Variants in PRKDC observed in about 807,000 individuals in gnomAD.
PRKDC encodes protein kinase, DNA-activated, catalytic subunit.
A neutral mutation model predicts 486.9 loss-of-function variants in PRKDC; 82 were observed. That is an observed-to-expected ratio of 0.17 (90% CI 0.14 to 0.20). PRKDC has a LOEUF of 0.20. Ranked by LOEUF, PRKDC falls within the 10% of genes least tolerant of loss-of-function variation. The pLI is 1.00. For missense variants in PRKDC, 4,504 were observed against 5,038.2 expected (o/e 0.89, Z 3.21); for synonymous variants, 1,895 against 1,837.0 (o/e 1.03, Z -0.81).
In PRKDC at chr8:47,820,899, C is replaced by A; in HGVS notation, c.9156G>T (p.Leu3052=). Residue 3052 remains leucine (L), a synonymous_variant, in exon 66 of 86, where the codon CTG becomes CTT. Coordinates refer to ENST00000314191, the MANE Select transcript of PRKDC (RefSeq NM_006904.7). ...PYMIRSKLKL[L]LQGEADQSLL... ...GGGACTGGTCAGCCTCTCCCTGGAGCAGCAGCTTCAGCTTGCTGCGGATCA... is the reference window on the plus strand; with the variant it reads ...GGGACTGGTCAGCCTCTCCCTGGAGAAGCAGCTTCAGCTTGCTGCGGATCA... The A allele has an allele frequency of 6.2e-7, 1 of 1,608,074 alleles. No homozygotes were observed. The highest frequency in any genetic ancestry group is 8.5e-7 in the Non-Finnish European group (1 of 1,176,182).
In PRKDC at chr8:47,893,129, G is replaced by T; in HGVS notation, c.3847+10C>A. The T allele has an allele frequency of 1.3e-6, 2 of 1,581,566 alleles. No individual in the cohort carries two copies. The highest frequency in any genetic ancestry group is 1.7e-6 in the Non-Finnish European group (2 of 1,157,046). On this transcript the variant is annotated intron_variant, in intron 31 of 85. Transcript: ENST00000314191. ...ACGACACACACCAGAATAAGGCAAG[G>T]GTGACCTACCTAGGACCTGGAGCGC...
At chr8:47,940,734 T>C (rs1222931009) in intron 10 of PRKDC, among the ~76,000 whole-genome samples, 3 of 152,246 alleles carry the variant, frequency 2.0e-5, no homozygotes, top group Non-Finnish European at 4.4e-5. Context: ...ATTCAACTAT[T>C]TCCTGGATAT....
At chr8:47,840,355 A>C (rs1406076204) in intron 54 of PRKDC, among the ~76,000 whole-genome samples, 166 bp from the exon 55 acceptor site, 6 of 152,240 alleles carry the variant, frequency 3.9e-5, no homozygotes, top group Non-Finnish European at 8.8e-5. Flanking sequence ...TAGATTATCA[A>C]ATATAAGACA....
intron 27 of PRKDC, among the ~76,000 whole-genome samples, chr8:47,900,841 T>G (rs1355916295): frequency 7.1e-6 from 1 of 140,968 alleles, no homozygotes; most frequent in African/African-American, 2.7e-5. Context: ...AGAGCAAGAC[T>G]CCAGCTCAAA....
At position 47,953,804 on chromosome 8, in the gene PRKDC, T is replaced by C; in HGVS notation, c.621+3A>G. On this transcript the variant is annotated splice_donor_region_variant and intron_variant, in intron 6 of 85. Transcript: ENST00000314191. ...AAGCAGAATGTCATAAAGTTCATCA[T>C]ACCTGGGTCTTAAGTTCACCCAGAA... 6.4e-7 allele frequency: 1 copy of C among 1,572,532 alleles called. No homozygotes were observed. Among genetic ancestry groups the C allele is most frequent in the Non-Finnish European group, 8.6e-7 (1 of 1,156,692 alleles).
In PRKDC at chr8:47,920,183, C is replaced by G. The variant is rs565579299; in HGVS notation, c.2420-1800G>C. On this transcript the variant is annotated intron_variant, in intron 21 of 85. Coordinates refer to ENST00000314191, the MANE Select transcript of PRKDC (RefSeq NM_006904.7). ...GTAAATCTCTGTTCCTGGCTCTCAG[C>G]TCTGAAGGCTGTCAGCCCCCTGATT... Among the ~76,000 whole-genome samples, 9 of 152,294 alleles carry G rather than the reference C, an allele frequency of 5.9e-5. No homozygotes were observed. In the South Asian group the frequency reaches 6.2e-4, roughly 11 times the overall value.
In PRKDC at chr8:47,914,367, T is replaced by C. The variant is rs149224447; in HGVS notation, c.2618-303A>G. ...GAAAGTCAATGAACAAAATTTTTAC[T>C]TAAAAAAAAAATCTCTTTGAAACAC... On this transcript the variant is annotated intron_variant, in intron 23 of 85. Coordinates refer to ENST00000314191, the MANE Select transcript of PRKDC (RefSeq NM_006904.7). Among the ~76,000 whole-genome samples, 1,415 of 152,160 alleles carry C rather than the reference T, an allele frequency of 9.3e-3. 13 individuals carry two copies. The highest frequency in any genetic ancestry group is 0.016 in the Non-Finnish European group (1,118 of 67,992).
intron 17 of PRKDC, 122 bp downstream of exon 17, chr8:47,930,550 G>C (rs1412816054): frequency 1.0e-6 from 1 of 956,156 alleles, no homozygotes; most frequent in Non-Finnish European, 1.5e-6. Flanking sequence ...GGGATTACAG[G>C]CGTGAGCCAC....
chr8:47,786,555 T>A (rs1351978351), intron 76 of PRKDC, among the ~76,000 whole-genome samples: 1 of 152,058 alleles, frequency 6.6e-6, no homozygotes, highest in Non-Finnish European at 1.5e-5. Flanking sequence ...CACAAATAAC[T>A]AGGAACAAAG....
In PRKDC at chr8:47,887,414, C is replaced by T. The variant is rs8178098; in HGVS notation, c.4572+133G>A. ...AGAAAATAATCTTTTAGAAAGTTGG[C>T]TCATGCAAATCATACAATACTTGTC... On this transcript the variant is annotated intron_variant, in intron 35 of 85. Transcript: ENST00000314191. 3.1e-3 allele frequency: 2,272 copies of T among 734,118 alleles called. 12 individuals carry two copies. The highest frequency in any genetic ancestry group is 0.027 in the South Asian group (411 of 15,440). 45.5% of individuals were successfully genotyped at this position (734,118 alleles called of 1,614,324 possible). A position where few individuals can be genotyped will look rare whatever the true frequency, so the allele number is the denominator to read the frequency against.
intron 11 of PRKDC, among the ~76,000 whole-genome samples, chr8:47,936,762 A>G (rs548913186): frequency 1.3e-5 from 2 of 148,574 alleles, no homozygotes; most frequent in African/African-American, 2.5e-5. Context: ...GATTACAGGC[A>G]TGTGCCACCA....
intron 50 of PRKDC, among the ~76,000 whole-genome samples, 198 bp from the exon 51 acceptor site, chr8:47,854,412 T>C (rs1253775499): frequency 2.0e-5 from 3 of 152,092 alleles, no homozygotes; most frequent in Admixed American, 6.5e-5. Flanking sequence ...GATCTCGGCT[T>C]GCTGCAAGCT....
At position 47,953,817 on chromosome 8, in the gene PRKDC, A is replaced by C; in HGVS notation, c.611T>G (p.Leu204Arg). 6.4e-7 allele frequency: 1 copy of C among 1,572,120 alleles called. No homozygotes were observed. The highest frequency in any genetic ancestry group is 8.6e-7 in the Non-Finnish European group (1 of 1,156,616). The change falls in exon 6 of 86, where the codon CTT (leucine) becomes CGT (arginine). Residue 204 changes from leucine to arginine, a missense_variant. Around this residue, in one of 6 missense-constraint regions of PRKDC, gnomAD observed 1,969 missense variants for 2,068.9 expected, o/e 0.95. Transcript: ENST00000314191. ...TAAAGTTCATCATACCTGGGTCTTAAGTTCACCCAGAAAAGCGCGGAACAG... is the reference window on the plus strand; with the variant it reads ...TAAAGTTCATCATACCTGGGTCTTACGTTCACCCAGAAAAGCGCGGAACAG... Reference protein sequence around the residue: ...ENLFRAFLGELKTQMTSAVRE... With the variant: ...ENLFRAFLGERKTQMTSAVRE...
intron 39 of PRKDC, 74 bp downstream of exon 39, chr8:47,879,417 C>T: frequency 7.4e-7 from 1 of 1,344,868 alleles, no homozygotes; most frequent in South Asian, 1.5e-5. Context: ...TTTTACTCAC[C>T]TCTTTTCATC....
At chr8:47,888,933 GA>G in intron 33 of PRKDC, 80 bp downstream of exon 33, 1 of 1,387,346 alleles carries the variant, frequency 7.2e-7, no homozygotes, top group Non-Finnish European at 1.0e-6. Flanking sequence ...GAGGAAGCAG[GA>G]GCAGCTGCAG....
In PRKDC at chr8:47,877,846, T is replaced by C. The variant is rs1187711641; in HGVS notation, c.5241A>G (p.Leu1747=). ...GGCTTTGAGATAATTCCAATGCATC[T>C]AGAAACTAGAAAAAATACATCAACA... ...NNYVDCMKKF[L]DALELSQSPM... The change falls in exon 40 of 86, where the codon CTA becomes CTG. Residue 1747 remains leucine, a synonymous_variant. Coordinates refer to ENST00000314191, the MANE Select transcript of PRKDC (RefSeq NM_006904.7). 4 of 1,480,842 alleles carry C rather than the reference T, an allele frequency of 2.7e-6. No individual in the cohort carries two copies. The Admixed American group carries it at 8.1e-5, about 30-fold the overall frequency. 91.7% of individuals were successfully genotyped at this position (1,480,842 alleles called of 1,614,324 possible). A position where few individuals can be genotyped will look rare whatever the true frequency, so the allele number is the denominator to read the frequency against.
chr8:47,798,380 G>A lies in PRKDC; in HGVS notation c.10315C>T (p.Leu3439=). ...ACCACAAGTGCTGGATACGCCTGCAGTTCTGCAGAATCAATAACTATCAAG... is the reference window on the plus strand; with the variant it reads ...ACCACAAGTGCTGGATACGCCTGCAATTCTGCAGAATCAATAACTATCAAG... The part of the protein sequence containing the change: ...ENASVIDSAE[L]QAYPALVVEK... The change falls in exon 73 of 86, where the codon CTG becomes TTG. Residue 3439 remains leucine, a synonymous_variant. Coordinates refer to ENST00000314191, the MANE Select transcript of PRKDC (RefSeq NM_006904.7). The A allele has an allele frequency of 1.2e-6, 2 of 1,603,158 alleles. No homozygotes were observed. The highest frequency in any genetic ancestry group is 1.7e-6 in the Non-Finnish European group (2 of 1,175,516).
At position 47,956,054 on chromosome 8, in the gene PRKDC, T is replaced by C. The variant is rs925562350; in HGVS notation, c.325-106A>G. The C allele has an allele frequency of 4.9e-6, 4 of 821,290 alleles. No homozygotes were observed. In the Admixed American group the frequency reaches 1.1e-4, roughly 22 times the overall value. The allele number at this position is 821,290 out of a possible 1,614,324, so 50.9% of individuals were successfully genotyped here. On this transcript the variant is annotated intron_variant, in intron 3 of 85. Transcript: ENST00000314191. ...CAAGAGGAGCAATACCAAAATTCAG[T>C]ATTTAGCTGTGGAAAATATAACATT...
rs2086550893 is a variant in PRKDC at position 47,773,213 on chromosome 8, G to C, written c.*960C>G. The C allele has an allele frequency of 4.5e-6, 1 of 220,098 alleles. No individual in the cohort carries two copies. Among genetic ancestry groups the C allele is most frequent in the Non-Finnish European group, 9.2e-6 (1 of 108,798 alleles). 13.6% of individuals were successfully genotyped at this position (220,098 alleles called of 1,614,324 possible). A position where few individuals can be genotyped will look rare whatever the true frequency, so the allele number is the denominator to read the frequency against. ...GAAGGAAAAAAAAAAACAACAAAAA[G>C]CTAAAAGCCAATCAGAAACAGTTTG... On this transcript the variant is annotated 3_prime_UTR_variant, in exon 86 of 86. Coordinates refer to ENST00000314191, the MANE Select transcript of PRKDC (RefSeq NM_006904.7).
Sources: allele counts gnomAD v4.1 joint callset (sites outside exome capture counted in the v4.1 genomes callset), GRCh38; gene constraint gnomAD v4.1.1; regional missense constraint gnomAD v4.1.1; transcripts MANE v1.5; gene names NCBI Gene and HGNC (gene_info 2026-07-23, HGNC 2026-07-21).